The following LRMDA variants were observed in gnomAD, a reference collection of about 807,000 sequenced individuals.
LRMDA encodes the protein leucine rich melanocyte differentiation associated.
Under a neutral mutation model 29.8 loss-of-function variants are expected in LRMDA, and 18 were observed. The ratio of observed to expected loss-of-function variants is 0.60; its 90% confidence interval spans 0.42 to 0.90. LRMDA has a LOEUF of 0.90. LRMDA is among the 40% of genes least tolerant of loss of function. The pLI is 0.00. For synonymous variants in LRMDA, 125 were observed against 109.4 expected, an observed-to-expected ratio of 1.14 and a Z score of -0.89; for missense variants, 273 against 273.9, an observed-to-expected ratio of 1.00 and a Z score of 0.02.
chr10:76,161,582 C>A (rs762617519), intron 5 of LRMDA, among the ~76,000 whole-genome samples: 1 of 152,196 alleles, frequency 6.6e-6, no homozygotes, highest in Non-Finnish European at 1.5e-5. Context: ...GACATATTTT[C>A]TTTTCCTACC....
chr10:75,941,182 G>A (rs183077928), intron 2 of LRMDA, among the ~76,000 whole-genome samples: 8 of 152,278 alleles, frequency 5.3e-5, no homozygotes, highest in African/African-American at 1.9e-4. Context: ...ACGCTGTATT[G>A]GAAATGCCGC....
intron 2 of LRMDA, among the ~76,000 whole-genome samples, chr10:75,816,769 G>A (rs969002571): frequency 3.3e-5 from 5 of 152,180 alleles, no homozygotes; most frequent in Non-Finnish European, 7.3e-5. Flanking sequence ...GAGTCCTCAT[G>A]GAGGACTGGA....
At chr10:75,749,264 A>G (rs1842924788) in intron 2 of LRMDA, among the ~76,000 whole-genome samples, 4 of 152,150 alleles carry the variant, frequency 2.6e-5, no homozygotes, top group African/African-American at 9.7e-5. Context: ...TAACATACAA[A>G]ACGTGTTAAC....
intron 2 of LRMDA, among the ~76,000 whole-genome samples, chr10:75,497,984 A>T (rs1325218147): frequency 2.0e-5 from 3 of 152,184 alleles, no homozygotes; most frequent in Non-Finnish European, 4.4e-5. Context: ...AGAATTTTCC[A>T]GTTTTCCCCA....
rs1219359552 is a variant in LRMDA, at chr10:76,496,807, C to T, written c.602-60402C>T. Among the ~76,000 whole-genome samples the T allele has an allele frequency of 6.7e-5, 5 of 74,836 alleles. 2 individuals are homozygous for T. The highest frequency in any genetic ancestry group is 1.6e-4 in the African/African-American group (5 of 30,592). The allele number at this position is 74,836 out of a possible 152,430, so 49.1% of individuals were successfully genotyped here. A position where few individuals can be genotyped will look rare whatever the true frequency, so the allele number is the denominator to read the frequency against. On this transcript the variant is annotated intron_variant, in intron 6 of 6. Coordinates refer to ENST00000611255, the MANE Select transcript of LRMDA (RefSeq NM_001305581.2). ...GAGTGTTTGTCATGCCAAAGAGAATCTGCATGTGTGACTAATAAGTCAGCA... is the reference window on the plus strand; with the variant it reads ...GAGTGTTTGTCATGCCAAAGAGAATTTGCATGTGTGACTAATAAGTCAGCA...
chr10:75,790,992 T>C (rs1843555891), intron 2 of LRMDA, among the ~76,000 whole-genome samples: 1 of 152,358 alleles, frequency 6.6e-6, no homozygotes, highest in Non-Finnish European at 1.5e-5. Context: ...TTGCAGTTAA[T>C]GTAACAGGTT....
At chr10:76,500,856 A>T (rs78912726) in intron 6 of LRMDA, among the ~76,000 whole-genome samples, 5,053 of 68,086 alleles carry the variant, frequency 0.074, 1,578 homozygotes, top group African/African-American at 0.13. Context: ...GCCTTTTTTT[A>T]AAAAAAAAAT....
intron 2 of LRMDA, among the ~76,000 whole-genome samples, chr10:75,632,850 C>T (rs1053476779): frequency 2.8e-5 from 4 of 142,444 alleles, no homozygotes; most frequent in African/African-American, 5.2e-5. Flanking sequence ...CAGGCAGCCA[C>T]GTCTGCCCCA....
At chr10:76,529,063 T>A (rs1843207648) in intron 6 of LRMDA, among the ~76,000 whole-genome samples, 1 of 152,164 alleles carries the variant, frequency 6.6e-6, no homozygotes, top group Admixed American at 6.5e-5. Context: ...ATCTCGCATG[T>A]CAATGACACC....
chr10:75,708,060 A>G (rs1446458680), intron 2 of LRMDA, among the ~76,000 whole-genome samples: 1 of 152,230 alleles, frequency 6.6e-6, no homozygotes, highest in Non-Finnish European at 1.5e-5. Flanking sequence ...TTTTCACTTA[A>G]GATGAGGAGT....
intron 2 of LRMDA, among the ~76,000 whole-genome samples, chr10:75,882,308 C>T (rs922167494): frequency 3.3e-5 from 5 of 152,178 alleles, no homozygotes; most frequent in African/African-American, 1.2e-4. Context: ...CAAACTTCTT[C>T]TTCTCACTGT....
chr10:76,363,276 A>G (rs201759412), intron 6 of LRMDA, among the ~76,000 whole-genome samples: 5 of 58,872 alleles, frequency 8.5e-5, no homozygotes, highest in East Asian at 3.7e-4. Flanking sequence ...GGAAGGAAGG[A>G]AAGGAAGGAA....
In LRMDA at chr10:76,133,151, T is replaced by C. The variant is rs1307229471; in HGVS notation, c.516+74368T>C. 3.3e-5 allele frequency among the ~76,000 whole-genome samples: 5 copies of C among 152,058 alleles called. No homozygotes were observed. In the East Asian group the frequency reaches 9.7e-4, roughly 29 times the overall value. On this transcript the variant is annotated intron_variant, in intron 5 of 6. Coordinates refer to ENST00000611255, the MANE Select transcript of LRMDA (RefSeq NM_001305581.2). Reference sequence around the variant, plus strand: ...GCACCTTCTAAGGGTGACTTCACTTTGGAATTGTTTGGTTGAAGCAAGGGA... The same window carrying C: ...GCACCTTCTAAGGGTGACTTCACTTCGGAATTGTTTGGTTGAAGCAAGGGA...
intron 5 of LRMDA, among the ~76,000 whole-genome samples, chr10:76,240,110 C>A (rs1176791009): frequency 4.0e-5 from 6 of 151,356 alleles, no homozygotes; most frequent in Non-Finnish European, 2.9e-5. Context: ...AAAAGATATA[C>A]AAATGGCCAA....
chr10:75,823,251 A>G (rs1350716023), intron 2 of LRMDA, among the ~76,000 whole-genome samples: 1 of 152,224 alleles, frequency 6.6e-6, no homozygotes, highest in Non-Finnish European at 1.5e-5. Flanking sequence ...TCTACAAGGA[A>G]CTCAACAAAA....
chr10:75,917,293 T>A (rs920889113), intron 2 of LRMDA, among the ~76,000 whole-genome samples: 4 of 152,148 alleles, frequency 2.6e-5, no homozygotes, highest in Non-Finnish European at 4.4e-5. Context: ...AGTATTCTGT[T>A]TTTGAAACCC....
intron 2 of LRMDA, among the ~76,000 whole-genome samples, chr10:75,783,485 C>CA (rs55852739): frequency 0.22 from 15,124 of 70,108 alleles, 1,031 homozygotes; most frequent in Admixed American, 0.29. Context: ...TGCTCAGAGG[C>CA]AAAAAAAAAA....
At chr10:76,306,428 A>C (rs1235226509) in intron 5 of LRMDA, among the ~76,000 whole-genome samples, 2 of 152,060 alleles carry the variant, frequency 1.3e-5, no homozygotes, top group Non-Finnish European at 2.9e-5. Context: ...CTCTTGGGGG[A>C]AATGAAACTC....
intron 2 of LRMDA, among the ~76,000 whole-genome samples, chr10:75,471,935 C>T (rs1335560523): frequency 6.6e-6 from 1 of 152,164 alleles, no homozygotes; most frequent in African/African-American, 2.4e-5. Flanking sequence ...CCTTGACCCT[C>T]TGGCTTCTGG....
Sources: gnomAD v4.1 joint callset for allele counts (sites outside exome capture counted in the v4.1 genomes callset) on GRCh38, gnomAD v4.1.1 for gene constraint, MANE v1.5 for transcripts, NCBI Gene and HGNC (gene_info 2026-07-23, HGNC 2026-07-21) for gene names.